ME3: variants seen among roughly 807,000 people sequenced by gnomAD.
The protein encoded by ME3 is NADP-dependent malic enzyme, mitochondrial.
Under a neutral mutation model 68.9 loss-of-function variants are expected in ME3, and 48 were observed. The observed-to-expected ratio is 0.70, with a 90% CI of 0.55 to 0.89. ME3 has a LOEUF of 0.89. ME3 is among the 40% of genes least tolerant of loss of function. The pLI is 0.00. For synonymous variants in ME3, 320 were observed against 318.8 expected, an observed-to-expected ratio of 1.00 and a Z score of -0.04; for missense variants, 675 against 797.4, an observed-to-expected ratio of 0.85 and a Z score of 1.85.
At chr11:86,510,248 C>A (rs1039556937) in intron 4 of ME3, among the ~76,000 whole-genome samples, 2 of 152,190 alleles carry the variant, frequency 1.3e-5, no homozygotes, top group African/African-American at 4.8e-5. Context: ...CTTCACATTC[C>A]TAAGTGCAAT....
exon 7 of ME3, chr11:86,487,416 T>G (rs760395394): frequency 1.9e-6 from 3 of 1,613,906 alleles, no homozygotes; most frequent in African/African-American, 2.7e-5. Context: ...TTCAGGCCGA[T>G]GTACAGAGGG....
At chr11:86,496,135 G>C (rs899292163) in intron 6 of ME3, among the ~76,000 whole-genome samples, 1 of 152,128 alleles carries the variant, frequency 6.6e-6, no homozygotes, top group Admixed American at 6.5e-5. Flanking sequence ...GCTGGGTGCA[G>C]TGGCTCAAGT....
chr11:86,554,905 T>C (rs976723458), intron 4 of ME3, among the ~76,000 whole-genome samples: 1 of 152,028 alleles, frequency 6.6e-6, no homozygotes, highest in Non-Finnish European at 1.5e-5. Context: ...ACTAAAAACA[T>C]GAAAAACAAA....
intron 4 of ME3, among the ~76,000 whole-genome samples, chr11:86,553,174 T>A (rs1956777304): frequency 6.6e-6 from 1 of 152,218 alleles, no homozygotes; most frequent in Admixed American, 6.5e-5. Flanking sequence ...GAACCTTCTG[T>A]GGTGCCTATC....
At chr11:86,602,068 A>G (rs1244586003) in intron 2 of ME3, among the ~76,000 whole-genome samples, 780 of 149,922 alleles carry the variant, frequency 5.2e-3, no homozygotes, top group African/African-American at 0.018. Context: ...CTCTCTCACC[A>G]CTCCTATTCA....
intron 4 of ME3, among the ~76,000 whole-genome samples, chr11:86,532,581 T>C (rs995343829): frequency 2.6e-4 from 40 of 152,124 alleles, no homozygotes; most frequent in African/African-American, 9.2e-4. Flanking sequence ...TTTTGGAAAA[T>C]TGAAATACGT....
intron 4 of ME3, among the ~76,000 whole-genome samples, chr11:86,522,698 A>G (rs1387573325): frequency 6.6e-6 from 1 of 152,138 alleles, no homozygotes; most frequent in Non-Finnish European, 1.5e-5. Context: ...TATCCCTGCA[A>G]AGGACACAAT....
intron 2 of ME3, among the ~76,000 whole-genome samples, chr11:86,563,635 A>T (rs1375525703): frequency 4.6e-5 from 7 of 152,140 alleles, no homozygotes; most frequent in Non-Finnish European, 1.0e-4. Flanking sequence ...ATATGGTAAA[A>T]CGAAGAGGTC....
intron 4 of ME3, among the ~76,000 whole-genome samples, chr11:86,531,303 C>T (rs1955210415): frequency 6.6e-6 from 1 of 152,104 alleles, no homozygotes; most frequent in South Asian, 2.1e-4. Flanking sequence ...AATGAGATAC[C>T]ATCTCACACC....
chr11:86,622,513 C>A (rs1378774532), intron 2 of ME3, among the ~76,000 whole-genome samples: 1 of 151,912 alleles, frequency 6.6e-6, no homozygotes, highest in Non-Finnish European at 1.5e-5. Context: ...AAAGGTGAGG[C>A]CTCAGCAACT....
At chr11:86,517,681 A>T in intron 4 of ME3, among the ~76,000 whole-genome samples, 1 of 152,186 alleles carries the variant, frequency 6.6e-6, no homozygotes, top group East Asian at 1.9e-4. Flanking sequence ...CTTGTGGGAA[A>T]TGATGCTATG....
chr11:86,556,677 C>T, exon 4 of ME3: 1 of 1,614,074 alleles, frequency 6.2e-7, no homozygotes, highest in Non-Finnish European at 8.5e-7. Context: ...TCGTTCCGGT[C>T]TTGGAGTGTC....
chr11:86,531,219 A>C (rs1211224963), intron 4 of ME3, among the ~76,000 whole-genome samples: 4 of 152,250 alleles, frequency 2.6e-5, no homozygotes, highest in Non-Finnish European at 5.9e-5. Context: ...AAAAGAAGAC[A>C]TTTATGCAGC....
chr11:86,438,706 C>A (rs549080214), downstream of ME3, among the ~76,000 whole-genome samples: 1 of 152,012 alleles, frequency 6.6e-6, no homozygotes, highest in African/African-American at 2.4e-5. Context: ...TTGCTTTCCC[C>A]CACCCCCATT....
chr11:86,588,104 A>G (rs987240613), intron 2 of ME3, among the ~76,000 whole-genome samples: 3 of 152,234 alleles, frequency 2.0e-5, no homozygotes, highest in African/African-American at 7.2e-5. Flanking sequence ...TGTGCCAGGC[A>G]TTGTACTAGG....
rs542518717 is a variant in ME3, at chr11:86,508,994, C to T, written c.468-127G>A. The T allele has an allele frequency of 1.2e-5, 9 of 722,788 alleles. No individual in the cohort carries two copies. In the East Asian group the frequency reaches 1.9e-4, roughly 15 times the overall value. The allele number at this position is 722,788 out of a possible 1,614,324, so 44.8% of individuals were successfully genotyped here. On this transcript the variant is annotated intron_variant, in intron 4 of 14. Coordinates refer to ENST00000543262, the Ensembl canonical transcript of ME3. ...TAGACCTGGGCAAGAAAGATTCCTG[C>T]CCGAGGCCCCAGCAGTTTAGAGGGT...
chr11:86,435,100 A>G, the ME3 span: 2 of 152,260 alleles, frequency 1.3e-5, no homozygotes, highest in African/African-American at 4.8e-5. Context: ...ATAAGAGTAC[A>G]TGAACTATTA....
At chr11:86,441,254 C>T (rs748544304) in exon 15 of ME3, 12 of 1,538,818 alleles carry the variant, frequency 7.8e-6, no homozygotes, top group Non-Finnish European at 6.1e-6. Context: ...CTTCATCTAG[C>T]CCCATACTAG....
chr11:86,505,207 C>T (rs1952989149), intron 5 of ME3, among the ~76,000 whole-genome samples: 1 of 150,846 alleles, frequency 6.6e-6, no homozygotes, highest in South Asian at 2.1e-4. Flanking sequence ...CATCAGAAAA[C>T]AAGAAAGACT....
Sources: allele counts gnomAD v4.1 joint callset (sites outside exome capture counted in the v4.1 genomes callset), GRCh38; gene constraint gnomAD v4.1.1; transcripts MANE v1.5; gene names NCBI Gene and HGNC (gene_info 2026-07-23, HGNC 2026-07-21).